MCTP1: variants seen among roughly 807,000 people sequenced by gnomAD.
MCTP1 encodes multiple C2 and transmembrane domain containing 1, also known as multiple C2 and transmembrane domain-containing protein 1.
A neutral mutation model predicts 120.6 loss-of-function variants in MCTP1; 69 were observed. The observed-to-expected ratio is 0.57, with a 90% CI of 0.47 to 0.70. The LOEUF (loss-of-function observed/expected upper bound fraction) is 0.70. Among genes scored for constraint, MCTP1 ranks in the 30% least tolerant of loss-of-function variants. The pLI is 0.00. For missense variants in MCTP1, 1,203 were observed against 1,248.8 expected (o/e 0.96, Z 0.55); for synonymous variants, 529 against 493.1 (o/e 1.07, Z -0.96).
At chr5:94,849,053 G>A (rs1793111640) in intron 17 of MCTP1, among the ~76,000 whole-genome samples, 1 of 151,848 alleles carries the variant, frequency 6.6e-6, no homozygotes, top group African/African-American at 2.4e-5. Context: ...TTGTTCAAAG[G>A]ATTCCTGAAA....
chr5:95,177,386 A>G (rs1748122387), intron 1 of MCTP1, among the ~76,000 whole-genome samples: 1 of 152,230 alleles, frequency 6.6e-6, no homozygotes, highest in Non-Finnish European at 1.5e-5. Context: ...TCTAAGATTT[A>G]GAAGTTGAAA....
chr5:95,235,030 T>C (rs1265848500), intron 1 of MCTP1, among the ~76,000 whole-genome samples: 1 of 151,918 alleles, frequency 6.6e-6, no homozygotes, highest in East Asian at 1.9e-4. Context: ...ATAAGAAAAC[T>C]ATAGACCAAT....
At chr5:94,992,316 T>C (rs66816988) in intron 2 of MCTP1, among the ~76,000 whole-genome samples, 17,208 of 152,110 alleles carry the variant, frequency 0.11, 1,590 homozygotes, top group African/African-American at 0.25. Flanking sequence ...ATGATGATGA[T>C]GATGAAAACA....
At chr5:95,212,287 C>T (rs964489416) in intron 1 of MCTP1, among the ~76,000 whole-genome samples, 1 of 152,186 alleles carries the variant, frequency 6.6e-6, no homozygotes, top group Admixed American at 6.6e-5. Flanking sequence ...TTCCTCCACA[C>T]ATACCCTCTC....
chr5:95,168,976 A>T (rs975786012), intron 1 of MCTP1, among the ~76,000 whole-genome samples: 1 of 152,112 alleles, frequency 6.6e-6, no homozygotes, highest in Non-Finnish European at 1.5e-5. Context: ...GTCTTGTGCC[A>T]GTTTTCAAAG....
At chr5:95,133,495 A>G (rs1178051590) in intron 1 of MCTP1, among the ~76,000 whole-genome samples, 1 of 152,182 alleles carries the variant, frequency 6.6e-6, no homozygotes, top group East Asian at 1.9e-4. Flanking sequence ...CTCTACTAAA[A>G]ATACAAAAAA....
At chr5:95,165,711 A>G (rs1479885274) in intron 1 of MCTP1, among the ~76,000 whole-genome samples, 2 of 152,190 alleles carry the variant, frequency 1.3e-5, no homozygotes, top group East Asian at 1.9e-4. Context: ...CATGATACAC[A>G]TTATCTTAAT....
intron 6 of MCTP1, among the ~76,000 whole-genome samples, chr5:94,927,845 A>G (rs1813557363): frequency 6.6e-6 from 1 of 152,154 alleles, no homozygotes; most frequent in African/African-American, 2.4e-5. Context: ...CAAAAGTCTT[A>G]TTAAAAATTG....
At chr5:94,742,635 TTTTC>T (rs1326936817) in intron 19 of MCTP1, among the ~76,000 whole-genome samples, 2 of 148,894 alleles carry the variant, frequency 1.3e-5, no homozygotes, top group African/African-American at 4.9e-5. Context: ...TCTAAAGCCT[TTTTC>T]TTTTTTTTTT....
At chr5:95,144,474 T>C (rs1690067139) in intron 1 of MCTP1, among the ~76,000 whole-genome samples, 2 of 152,136 alleles carry the variant, frequency 1.3e-5, no homozygotes, top group Admixed American at 6.6e-5. Context: ...CCATCAATTA[T>C]TTTCCAAAGC....
chr5:94,865,781 G>T (rs144525300), intron 17 of MCTP1, among the ~76,000 whole-genome samples: 2 of 151,932 alleles, frequency 1.3e-5, no homozygotes, highest in Non-Finnish European at 2.9e-5. Flanking sequence ...AATATCTGCT[G>T]TGTGGCCTTG....
chr5:95,139,019 T>A (rs1458741786), intron 1 of MCTP1, among the ~76,000 whole-genome samples: 1 of 152,228 alleles, frequency 6.6e-6, no homozygotes, highest in East Asian at 1.9e-4. Flanking sequence ...AATTAGAGTT[T>A]ATATGTTCAA....
At chr5:94,826,507 A>C (rs911408368) in intron 17 of MCTP1, 4 of 704,504 alleles carry the variant, frequency 5.7e-6, no homozygotes, top group Non-Finnish European at 1.1e-5. Context: ...AGTTCTGTAC[A>C]TCTGCCTATA....
intron 1 of MCTP1, among the ~76,000 whole-genome samples, chr5:95,096,126 A>G (rs769885183): frequency 6.6e-6 from 1 of 152,220 alleles, no homozygotes; most frequent in Non-Finnish European, 1.5e-5. Flanking sequence ...CAGCCAAACA[A>G]TATTTGAAAA....
intron 1 of MCTP1, among the ~76,000 whole-genome samples, chr5:95,123,284 T>G (rs1252685771): frequency 6.6e-6 from 1 of 151,924 alleles, no homozygotes; most frequent in Non-Finnish European, 1.5e-5. Context: ...AAAATCTGGC[T>G]AGCACAACTA....
chr5:94,824,989 C>G (rs935893921), intron 17 of MCTP1, among the ~76,000 whole-genome samples: 1 of 152,148 alleles, frequency 6.6e-6, no homozygotes, highest in African/African-American at 2.4e-5. Context: ...AAAAAACCAG[C>G]CCCTGGATAC....
intron 19 of MCTP1, among the ~76,000 whole-genome samples, chr5:94,758,307 T>A (rs1770446172): frequency 6.6e-6 from 1 of 152,132 alleles, no homozygotes; most frequent in Admixed American, 6.5e-5. Flanking sequence ...AATTAGAAAA[T>A]CCCTCGCTGG....
intron 1 of MCTP1, among the ~76,000 whole-genome samples, chr5:95,222,499 C>A (rs938540615): frequency 1.3e-5 from 2 of 152,188 alleles, no homozygotes; most frequent in African/African-American, 4.8e-5. Flanking sequence ...CACATTGATA[C>A]CTAATTGTTT....
chr5:94,705,795 T>C lies in MCTP1; in HGVS notation c.*1701A>G, dbSNP rs1345596800. 6.6e-6 allele frequency: 1 copy of C among 151,660 alleles called. No homozygotes were observed. Among genetic ancestry groups the C allele is most frequent in the African/African-American group, 2.4e-5 (1 of 41,382 alleles). 9.4% of individuals were successfully genotyped at this position (151,660 alleles called of 1,614,324 possible). The stretch of plus-strand genomic sequence containing the variant: ...AAACAGTTATCTCATCAATAAACTT[T>C]CTGTAGTAACATCATGTTCATGGAA... On this transcript the variant is annotated 3_prime_UTR_variant, in exon 23 of 23. Coordinates refer to ENST00000515393, the MANE Select transcript of MCTP1 (RefSeq NM_024717.7).
Sources: gnomAD v4.1 joint callset for allele counts (sites outside exome capture counted in the v4.1 genomes callset) on GRCh38, gnomAD v4.1.1 for gene constraint, MANE v1.5 for transcripts, NCBI Gene and HGNC (gene_info 2026-07-23, HGNC 2026-07-21) for gene names.